DPYD: variants seen among roughly 807,000 people sequenced by gnomAD.
DPYD encodes the protein dihydropyrimidine dehydrogenase.
DPYD carries 109 observed loss-of-function variants against 116.2 expected under a neutral mutation model. The ratio of observed to expected loss-of-function variants is 0.94; its 90% CI spans 0.80 to 1.10. The LOEUF (loss-of-function observed/expected upper bound fraction) is 1.10. Among genes scored for constraint, DPYD ranks in the 50% least tolerant of loss-of-function variants. DPYD has a pLI of 0.00. For missense variants in DPYD, 1,302 were observed against 1,254.5 expected (o/e 1.04, Z -0.57); for synonymous variants, 440 against 432.0 (o/e 1.02, Z -0.23).
At chr1:97,208,148 C>T (rs1267212563) in intron 19 of DPYD, among the ~76,000 whole-genome samples, 2 of 151,546 alleles carry the variant, frequency 1.3e-5, no homozygotes, top group African/African-American at 4.8e-5. Flanking sequence ...TTGTTTTTTT[C>T]CTCTCTTTCT....
intron 14 of DPYD, among the ~76,000 whole-genome samples, chr1:97,433,861 A>T (rs1226788734): frequency 6.6e-6 from 1 of 152,172 alleles, no homozygotes; most frequent in Non-Finnish European, 1.5e-5. Context: ...AATTACTGTT[A>T]TATGGTGTTA....
chr1:97,713,626 G>A (rs1662420310), intron 5 of DPYD, among the ~76,000 whole-genome samples: 1 of 152,206 alleles, frequency 6.6e-6, no homozygotes, highest in South Asian at 2.1e-4. Flanking sequence ...TGCATTAAGA[G>A]TAAAAGGAGA....
intron 20 of DPYD, among the ~76,000 whole-genome samples, chr1:97,148,484 T>C (rs1654793212): frequency 6.6e-6 from 1 of 152,168 alleles, no homozygotes; most frequent in South Asian, 2.1e-4. Context: ...TCAACTCTGA[T>C]GATGAATACT....
At chr1:97,305,604 G>C (rs1403124467) in intron 17 of DPYD, among the ~76,000 whole-genome samples, 1 of 151,906 alleles carries the variant, frequency 6.6e-6, no homozygotes, top group East Asian at 1.9e-4. Flanking sequence ...ATACAGACTT[G>C]TTGTTACCAA....
chr1:97,285,915 T>C (rs1393174646), intron 18 of DPYD, among the ~76,000 whole-genome samples: 1 of 152,184 alleles, frequency 6.6e-6, no homozygotes, highest in Non-Finnish European at 1.5e-5. Flanking sequence ...ATTTAGTCCA[T>C]TTACATTTAA....
At chr1:97,158,713 C>G (rs1185129607) in intron 20 of DPYD, among the ~76,000 whole-genome samples, 1 of 151,872 alleles carries the variant, frequency 6.6e-6, no homozygotes, top group Non-Finnish European at 1.5e-5. Context: ...TTGGGGCCAT[C>G]AAAACATCTA....
intron 18 of DPYD, among the ~76,000 whole-genome samples, chr1:97,302,048 A>T (rs28595744): frequency 0.31 from 47,208 of 151,796 alleles, 7,691 homozygotes; most frequent in Non-Finnish European, 0.35. Context: ...AAGTCAAAGA[A>T]TTTCTTCTTC....
In DPYD at chr1:97,134,014, AATATATATATATATATAT is replaced by A. The variant is rs1165027630; in HGVS notation, c.2623-35400_2623-35383del. Among the ~76,000 whole-genome samples, 38 of 18,816 alleles carry A rather than the reference AATATATATATATATATAT, an allele frequency of 2.0e-3. 1 individual carries two copies. The highest frequency in any genetic ancestry group is 3.4e-3 in the Non-Finnish European group (36 of 10,522). The allele number at this position is 18,816 out of a possible 152,430, so 12.3% of individuals were successfully genotyped here. On this transcript the variant is annotated intron_variant, in intron 20 of 22. Coordinates refer to ENST00000370192, the MANE Select transcript of DPYD (RefSeq NM_000110.4). ...ACTCTGTTTCAAAAAAAAAAAAAAA[AATATATATATATATATAT>A]ATATATATATATATATATATATATA...
intron 8 of DPYD, among the ~76,000 whole-genome samples, chr1:97,618,949 C>A (rs756115094): frequency 3.9e-5 from 6 of 152,124 alleles, no homozygotes; most frequent in Non-Finnish European, 8.8e-5. Flanking sequence ...TCTTGTGTCT[C>A]ATTTCTGCAG....
chr1:97,257,404 C>T (rs968530420), intron 18 of DPYD, among the ~76,000 whole-genome samples: 5 of 147,372 alleles, frequency 3.4e-5, no homozygotes, highest in African/African-American at 1.0e-4. Flanking sequence ...ATATTTACTA[C>T]TGGTACTAAA....
chr1:97,848,440 G>T (rs1029014660), intron 2 of DPYD, among the ~76,000 whole-genome samples: 1 of 152,152 alleles, frequency 6.6e-6, no homozygotes, highest in South Asian at 2.1e-4. Flanking sequence ...TTCCAAAAAT[G>T]TCATATTGAG....
At chr1:97,901,644 GA>G (rs1220796563) in intron 1 of DPYD, among the ~76,000 whole-genome samples, 1 of 151,666 alleles carries the variant, frequency 6.6e-6, no homozygotes, top group Non-Finnish European at 1.5e-5. Flanking sequence ...AACTGGCTTA[GA>G]AAAAAATATT....
chr1:97,568,680 T>C (rs1209515671), intron 11 of DPYD, among the ~76,000 whole-genome samples: 2 of 152,036 alleles, frequency 1.3e-5, no homozygotes, highest in East Asian at 1.9e-4. Context: ...AATAATAGAA[T>C]TATTTTTCTA....
At chr1:97,384,467 G>C (rs1255389014) in intron 14 of DPYD, among the ~76,000 whole-genome samples, 1 of 151,896 alleles carries the variant, frequency 6.6e-6, no homozygotes, top group Non-Finnish European at 1.5e-5. Context: ...CATGGTATTT[G>C]GCACGTATCA....
chr1:97,685,595 T>C (rs941206135), intron 7 of DPYD, among the ~76,000 whole-genome samples: 6 of 152,134 alleles, frequency 3.9e-5, no homozygotes, highest in Admixed American at 6.6e-5. Context: ...GAAAGCCCCA[T>C]TGATCAGCCC....
chr1:97,473,338 T>C (rs1016429115), intron 13 of DPYD, among the ~76,000 whole-genome samples: 2 of 152,232 alleles, frequency 1.3e-5, no homozygotes, highest in East Asian at 1.9e-4. Context: ...TAATATTCCA[T>C]GTGTAGGCAT....
intron 16 of DPYD, among the ~76,000 whole-genome samples, chr1:97,317,691 A>C (rs373065468): frequency 1.3e-5 from 2 of 152,120 alleles, no homozygotes; most frequent in African/African-American, 4.8e-5. Flanking sequence ...TGATTAACCA[A>C]CACAGGGAGG....
intron 1 of DPYD, among the ~76,000 whole-genome samples, chr1:97,918,208 T>TTC (rs996475989): frequency 4.6e-5 from 7 of 152,214 alleles, no homozygotes; most frequent in African/African-American, 9.7e-5. Flanking sequence ...TCTTTATTTT[T>TTC]TAACATTTTT....
intron 3 of DPYD, among the ~76,000 whole-genome samples, chr1:97,747,340 T>G (rs1664613623): frequency 6.6e-6 from 1 of 152,114 alleles, no homozygotes; most frequent in Admixed American, 6.5e-5. Context: ...ACAAGTGAGG[T>G]ACACTTTAAT....
Sources: gnomAD v4.1 joint callset for allele counts (sites outside exome capture counted in the v4.1 genomes callset) on GRCh38, gnomAD v4.1.1 for gene constraint, MANE v1.5 for transcripts, NCBI Gene and HGNC (gene_info 2026-07-23, HGNC 2026-07-21) for gene names.